The following PAK3 variants were observed in gnomAD, a reference collection of about 807,000 sequenced individuals.
The protein encoded by PAK3 is serine/threonine-protein kinase PAK 3.
PAK3 carries 4 observed loss-of-function variants against 41.0 expected under a neutral mutation model. That is an observed-to-expected ratio of 0.10 (90% CI 0.05 to 0.22). The LOEUF is 0.22. Ranked by LOEUF, PAK3 falls within the 10% of genes least tolerant of loss-of-function variation. PAK3 has a pLI of 1.00. For missense variants in PAK3, 205 were observed against 409.9 expected (o/e 0.50, Z 4.32); for synonymous variants, 146 against 139.6 (o/e 1.05, Z -0.32).
intron 1 of PAK3, among the ~76,000 whole-genome samples, chrX:111,035,105 CAAAAAAAAAAAAAAAAAAAAA>C (rs533876214): frequency 7.6e-5 from 3 of 39,556 alleles, no homozygotes; most frequent in African/African-American, 1.4e-4. Context: ...GACCCTGTCT[CAAAAAAAAAAAAAAAAAAAAA>C]AAAAAAAAGA....
At chrX:111,070,024 GT>G (rs959548324) in intron 1 of PAK3, among the ~76,000 whole-genome samples, 1 of 110,804 alleles carries the variant, frequency 9.0e-6, no homozygotes, top group African/African-American at 3.3e-5. Flanking sequence ...TTATCTATTA[GT>G]TTTTTTCTGT....
rs150923755 is a variant in PAK3, at chrX:111,083,370, C to T, written c.-27-39707C>T. 6.8e-3 allele frequency among the ~76,000 whole-genome samples: 765 copies of T among 112,183 alleles called. 3 individuals carry two copies. Among genetic ancestry groups the T allele is most frequent in the Non-Finnish European group, 9.2e-3 (487 of 53,199 alleles). On this transcript the variant is annotated intron_variant, in intron 1 of 14. Coordinates refer to the PAK3 transcript ENST00000425146. ...TGGTTCATGGCTATTTTTAATAAGG[C>T]CTTCATGACTTGCTGCTCTCCTAAA...
chrX:111,210,167 G>A lies in PAK3; in HGVS notation c.1408-6254G>A, dbSNP rs146513270. 5.6e-3 allele frequency among the ~76,000 whole-genome samples: 623 copies of A among 111,841 alleles called. 2 individuals carry two copies. The highest frequency in any genetic ancestry group is 0.019 in the African/African-American group (601 of 30,827). ...ATTTCTAACATTATAAATAAGGTCC[G>A]TAGGTTATGGGGCCTATATTGCCTC... On this transcript the variant is annotated intron_variant, in intron 16 of 17. Coordinates refer to ENST00000372007, the MANE Select transcript of PAK3 (RefSeq NM_002578.5).
At chrX:111,069,894 A>G (rs2148821463) in intron 1 of PAK3, among the ~76,000 whole-genome samples, 1 of 111,734 alleles carries the variant, frequency 8.9e-6, no homozygotes, top group Admixed American at 9.5e-5. Flanking sequence ...GGTCTTTTGC[A>G]GACTGAGACT....
chrX:110,986,079 T>C lies in PAK3; in HGVS notation c.-28+41451T>C, dbSNP rs150810863. Among the ~76,000 whole-genome samples, 84 of 111,755 alleles carry C rather than the reference T, an allele frequency of 7.5e-4. No homozygotes were observed. In the East Asian group the frequency reaches 0.021, roughly 28 times the overall value. On this transcript the variant is annotated intron_variant, in intron 1 of 14. Transcript: ENST00000425146. ...CATAGGGTAGCAGCTACTTTGATGA[T>C]TGACAATATAAATTTAAAAGCTGAG... is the stretch of plus-strand genomic sequence containing the variant.
In PAK3 at chrX:111,142,181, C is replaced by A; in HGVS notation, c.261C>A (p.Val87=). 8.9e-7 allele frequency: 1 copy of A among 1,122,301 alleles called. No individual in the cohort carries two copies. Among genetic ancestry groups the A allele is most frequent in the Non-Finnish European group, 1.2e-6 (1 of 813,621 alleles). The allele number at this position is 1,122,301 out of a possible 1,213,427, so 92.5% of individuals were successfully genotyped here. ...EHTIHVGFDA[V]TGEFTGIPEQ... ...CGATTCATGTGGGGTTTGATGCAGT[C>A]ACCGGGGAATTCACTGTAAGTAAGC... Residue 87 remains valine (V), a synonymous_variant, in exon 6 of 18, where the codon GTC becomes GTA. Coordinates refer to ENST00000372007, the MANE Select transcript of PAK3 (RefSeq NM_002578.5).
chrX:111,017,655 C>T, intron 1 of PAK3, among the ~76,000 whole-genome samples: 1 of 111,475 alleles, frequency 9.0e-6, no homozygotes, highest in Non-Finnish European at 1.9e-5. Context: ...CTAATTTCCA[C>T]AAAACATTTA....
chrX:111,210,048 A>T (rs775191577), intron 16 of PAK3, among the ~76,000 whole-genome samples: 3 of 112,166 alleles, frequency 2.7e-5, no homozygotes, highest in South Asian at 3.7e-4. Context: ...CAAGATATTT[A>T]GAGTTATTAT....
chrX:111,135,294 T>C (rs2093773587), intron 5 of PAK3, among the ~76,000 whole-genome samples: 1 of 111,703 alleles, frequency 9.0e-6, no homozygotes, highest in African/African-American at 3.3e-5. Context: ...TTTCCTGTTT[T>C]TGATAGAGAA....
intron 7 of PAK3, 176 bp downstream of exon 7, chrX:111,148,066 A>G (rs1394753585): frequency 1.7e-5 from 2 of 114,497 alleles, no homozygotes; most frequent in Admixed American, 1.9e-4. Flanking sequence ...TAAGTTATAT[A>G]ACTCAAGTAT....
chrX:110,953,675 C>T (rs1021315656), intron 1 of PAK3, among the ~76,000 whole-genome samples: 1 of 111,492 alleles, frequency 9.0e-6, no homozygotes, highest in Non-Finnish European at 1.9e-5. Flanking sequence ...GTGGGGAAGT[C>T]CAGGTCACCT....
intron 4 of PAK3, among the ~76,000 whole-genome samples, chrX:111,110,917 A>G (rs2093359577): frequency 9.0e-6 from 1 of 110,674 alleles, no homozygotes; most frequent in Non-Finnish European, 1.9e-5. Flanking sequence ...ACCTTGAAGC[A>G]CTCTTCTCTT....
chrX:111,056,496 T>C (rs185640438), intron 1 of PAK3, among the ~76,000 whole-genome samples: 1 of 112,356 alleles, frequency 8.9e-6, no homozygotes, highest in East Asian at 2.8e-4. Flanking sequence ...CTTGAACCCA[T>C]TTCTGCCCAA....
chrX:111,021,429 A>G lies in PAK3; in HGVS notation c.-28+76801A>G, dbSNP rs138327072. On this transcript the variant is annotated intron_variant, in intron 1 of 14. Transcript: ENST00000425146. ...AGCTCCACTGGGTGGCTAGACCCAG[A>G]AGAGCAAAAACAAATCACTACAGCT... 2.9e-4 allele frequency among the ~76,000 whole-genome samples: 33 copies of G among 112,137 alleles called. No individual in the cohort carries two copies. The East Asian group carries it at 8.8e-3, about 30-fold the overall frequency.
intron 4 of PAK3, among the ~76,000 whole-genome samples, chrX:111,119,965 T>A (rs992288921): frequency 1.1e-4 from 12 of 112,171 alleles, no homozygotes; most frequent in African/African-American, 3.9e-4. Context: ...TTGTGCCTTG[T>A]AATGGGTAGT....
At chrX:111,043,812 C>T in intron 1 of PAK3, among the ~76,000 whole-genome samples, 1 of 111,526 alleles carries the variant, frequency 9.0e-6, no homozygotes, top group South Asian at 3.8e-4. Flanking sequence ...GGGAGCATTT[C>T]CTAGCAGACT....
intron 8 of PAK3, among the ~76,000 whole-genome samples, chrX:111,159,181 T>A (rs1569421185): frequency 9.0e-6 from 1 of 111,488 alleles, no homozygotes; most frequent in Non-Finnish European, 1.9e-5. Context: ...TCTTGTTAAA[T>A]CATTGTAAAT....
chrX:111,173,846 G>A (rs1203361131), intron 11 of PAK3, among the ~76,000 whole-genome samples: 2 of 111,675 alleles, frequency 1.8e-5, no homozygotes, highest in East Asian at 2.8e-4. Context: ...AACTAGGCAG[G>A]TGGATCTGAG....
intron 5 of PAK3, 23 bp downstream of exon 5, chrX:111,123,301 T>C (rs1240792838): frequency 8.8e-7 from 1 of 1,131,198 alleles, no homozygotes; most frequent in Non-Finnish European, 1.2e-6. Context: ...TGGCCGGGCA[T>C]TGAAAATGGG....
Sources: allele counts gnomAD v4.1 joint callset (sites outside exome capture counted in the v4.1 genomes callset), GRCh38; gene constraint gnomAD v4.1.1; transcripts MANE v1.5; gene names NCBI Gene and HGNC (gene_info 2026-07-23, HGNC 2026-07-21).